KLHL29: variants seen among roughly 807,000 people sequenced by gnomAD.
KLHL29 encodes kelch like family member 29.
In KLHL29, 21 loss-of-function variants were observed where a neutral mutation model predicts 80.4. The observed-to-expected ratio is 0.26, with a 90% CI of 0.19 to 0.38. The LOEUF is 0.38. Ranked by LOEUF, KLHL29 falls within the 10% of genes least tolerant of loss-of-function variation. The pLI is 1.00. For missense variants in KLHL29, 867 were observed against 1,223.9 expected, an observed-to-expected ratio of 0.71 and a Z score of 4.35; for synonymous variants, 511 against 526.8, an observed-to-expected ratio of 0.97 and a Z score of 0.41.
intron 3 of KLHL29, among the ~76,000 whole-genome samples, chr2:23,624,355 G>A (rs1225465777): frequency 6.6e-6 from 1 of 152,164 alleles, no homozygotes; most frequent in East Asian, 1.9e-4. Context: ...CAGGGCTTCA[G>A]CTGCCTTCTT....
At chr2:23,602,527 G>C (rs1023875732) in intron 3 of KLHL29, among the ~76,000 whole-genome samples, 2 of 152,140 alleles carry the variant, frequency 1.3e-5, no homozygotes, top group African/African-American at 2.4e-5. Flanking sequence ...CAGGGGTAGG[G>C]GGTCAGGAAA....
intron 2 of KLHL29, among the ~76,000 whole-genome samples, chr2:23,487,777 TTTC>T (rs1203687245): frequency 6.6e-6 from 1 of 152,220 alleles, no homozygotes; most frequent in Non-Finnish European, 1.5e-5. Flanking sequence ...GTCCCTGTTT[TTTC>T]TTCTCAGGGA....
At chr2:23,629,857 G>GA (rs964319730) in intron 3 of KLHL29, among the ~76,000 whole-genome samples, 1 of 152,184 alleles carries the variant, frequency 6.6e-6, no homozygotes, top group African/African-American at 2.4e-5. Context: ...ACAATCCTGA[G>GA]AGAGGGAGAG....
chr2:23,391,046 C>G (rs902090486), intron 1 of KLHL29, among the ~76,000 whole-genome samples: 1 of 152,238 alleles, frequency 6.6e-6, no homozygotes, highest in African/African-American at 2.4e-5. Flanking sequence ...CGTTAAACAT[C>G]ATGTCCCCAT....
At chr2:23,698,756 C>T (rs1455359212) in intron 11 of KLHL29, among the ~76,000 whole-genome samples, 1 of 152,116 alleles carries the variant, frequency 6.6e-6, no homozygotes, top group Non-Finnish European at 1.5e-5. Flanking sequence ...TCGGCAGGGT[C>T]ATTTGCATGT....
chr2:23,626,203 A>G (rs1217755440), intron 3 of KLHL29, among the ~76,000 whole-genome samples: 2 of 152,204 alleles, frequency 1.3e-5, no homozygotes, highest in Admixed American at 6.5e-5. Flanking sequence ...ACAGTTCACA[A>G]CAGGGTTCGT....
intron 2 of KLHL29, among the ~76,000 whole-genome samples, chr2:23,517,882 G>A (rs150364566): frequency 1.2e-3 from 184 of 152,286 alleles, no homozygotes; most frequent in African/African-American, 4.2e-3. Context: ...TTTGAGCCTT[G>A]TGGGGTTAAT....
chr2:23,399,786 T>C (rs529002488), intron 1 of KLHL29, among the ~76,000 whole-genome samples: 16 of 152,358 alleles, frequency 1.1e-4, no homozygotes, highest in South Asian at 1.0e-3. Flanking sequence ...CATGGGTTTA[T>C]GCCTGTTCTC....
chr2:23,666,047 C>T (rs1275268146), intron 5 of KLHL29, among the ~76,000 whole-genome samples: 1 of 152,176 alleles, frequency 6.6e-6, no homozygotes, highest in African/African-American at 2.4e-5. Context: ...TGTAAAGTCA[C>T]AAGGACAACT....
intron 2 of KLHL29, among the ~76,000 whole-genome samples, chr2:23,552,723 AG>A (rs1278600000): frequency 3.2e-4 from 48 of 148,972 alleles, no homozygotes; most frequent in Admixed American, 1.3e-4. Context: ...GAGTGGAAGC[AG>A]ACATCAGAGG....
At chr2:23,474,186 T>C (rs1383845142) in intron 1 of KLHL29, among the ~76,000 whole-genome samples, 1 of 152,246 alleles carries the variant, frequency 6.6e-6, no homozygotes, top group African/African-American at 2.4e-5. Context: ...CAGGAGTACC[T>C]TTCTCTTTTG....
At chr2:23,668,096 C>T (rs1213200184) in intron 5 of KLHL29, 1 of 152,480 alleles carries the variant, frequency 6.6e-6, no homozygotes, top group Non-Finnish European at 1.5e-5. Context: ...CGTCCCGCAC[C>T]CAGCTGGCCC....
chr2:23,635,448 G>T (rs1373627264), intron 3 of KLHL29, among the ~76,000 whole-genome samples: 1 of 152,310 alleles, frequency 6.6e-6, no homozygotes, highest in East Asian at 1.9e-4. Flanking sequence ...ACTGCTGCAG[G>T]GTGGAGGCCC....
intron 2 of KLHL29, among the ~76,000 whole-genome samples, chr2:23,494,765 A>AC (rs35798188): frequency 0.3 from 45,720 of 151,926 alleles, 7,094 homozygotes; most frequent in South Asian, 0.38. Context: ...GATTCTGGTG[A>AC]CCGTCACCTA....
chr2:23,670,893 A>T, intron 5 of KLHL29, among the ~76,000 whole-genome samples: 1 of 118,416 alleles, frequency 8.4e-6, no homozygotes, highest in Non-Finnish European at 1.7e-5. Context: ...CAGAGAAGGG[A>T]GGGGTCTCTA....
chr2:23,610,760 G>C (rs931025752), intron 3 of KLHL29, among the ~76,000 whole-genome samples: 1 of 152,220 alleles, frequency 6.6e-6, no homozygotes, highest in Non-Finnish European at 1.5e-5. Flanking sequence ...CAGAAACTGG[G>C]CCCAGATCAC....
chr2:23,499,335 G>A (rs957672977), intron 2 of KLHL29, among the ~76,000 whole-genome samples: 2 of 152,092 alleles, frequency 1.3e-5, no homozygotes, highest in African/African-American at 2.4e-5. Context: ...AAATTGAGGG[G>A]CCAGCTACCA....
rs527939716 is a variant in KLHL29 at position 23,558,082 on chromosome 2, A to G, written c.-45-4070A>G. Among the ~76,000 whole-genome samples, 57 of 152,302 alleles carry G rather than the reference A, an allele frequency of 3.7e-4. No individual in the cohort carries two copies. In the Middle Eastern group the frequency reaches 0.017, roughly 45 times the overall value. On this transcript the variant is annotated intron_variant, in intron 2 of 13. Coordinates refer to ENST00000486442, the MANE Select transcript of KLHL29 (RefSeq NM_052920.2). The stretch of plus-strand genomic sequence containing the variant: ...AGGGCCAGGTCTGGAAGTGGTCTCC[A>G]TCACCTCCCCACCCATCCTATCCGC...
At chr2:23,393,921 G>C (rs895488311) in intron 1 of KLHL29, among the ~76,000 whole-genome samples, 3 of 152,158 alleles carry the variant, frequency 2.0e-5, no homozygotes, top group East Asian at 3.9e-4. Flanking sequence ...CCCTGGGCTT[G>C]TCTCTACCCT....
Sources: allele counts gnomAD v4.1 joint callset (sites outside exome capture counted in the v4.1 genomes callset), GRCh38; gene constraint gnomAD v4.1.1; transcripts MANE v1.5; gene names NCBI Gene and HGNC (gene_info 2026-07-23, HGNC 2026-07-21).